The following PRKX variants were observed in gnomAD, a reference collection of about 807,000 sequenced individuals.
PRKX encodes protein kinase cAMP-dependent X-linked catalytic subunit.
A neutral mutation model predicts 22.0 loss-of-function variants in PRKX; 12 were observed. The ratio of observed to expected loss-of-function variants is 0.54; its 90% CI spans 0.35 to 0.88. The LOEUF is 0.88. Among genes scored for constraint, PRKX ranks in the 40% least tolerant of loss-of-function variants. The probability of loss-of-function intolerance (pLI) is 0.01; values close to 1 mark genes in which losing one functional copy is unlikely to be tolerated. For missense variants in PRKX, 217 were observed against 308.0 expected, an observed-to-expected ratio of 0.70 and a Z score of 2.21; for synonymous variants, 134 against 137.7, an observed-to-expected ratio of 0.97 and a Z score of 0.19.
At chrX:3,651,203 T>A (rs1927325731) in intron 3 of PRKX, among the ~76,000 whole-genome samples, 1 of 111,778 alleles carries the variant, frequency 8.9e-6, no homozygotes, top group Non-Finnish European at 1.9e-5. Flanking sequence ...AAGCAATCTA[T>A]CAATATGGTA....
At chrX:3,697,217 TTAACCAAG>T (rs1928460640) in intron 1 of PRKX, among the ~76,000 whole-genome samples, 1 of 110,447 alleles carries the variant, frequency 9.1e-6, no homozygotes, top group Admixed American at 9.7e-5. Context: ...ATACAAAAAA[TTAACCAAG>T]TATGGTGGTA....
At chrX:3,693,050 G>A (rs113325564) in intron 1 of PRKX, among the ~76,000 whole-genome samples, 1 of 110,611 alleles carries the variant, frequency 9.0e-6, no homozygotes, top group East Asian at 2.8e-4. Flanking sequence ...TATTTTCCTG[G>A]GTCTCAGGTG....
Position 3,674,785 on chromosome X carries a change from G to C in PRKX, c.167-19C>G. On this transcript the variant is annotated intron_variant, in intron 1 of 8. Coordinates refer to ENST00000262848, the MANE Select transcript of PRKX (RefSeq NM_005044.5). ...CCAGTGCCTGGAGAGAGAAGAAATC[G>C]ACAGAGGTCATTAAGTCTTCCGACA... The C allele has an allele frequency of 1.7e-6, 2 of 1,207,537 alleles. No homozygotes were observed. Among genetic ancestry groups the C allele is most frequent in the African/African-American group, 1.7e-5 (1 of 57,798 alleles).
In PRKX at chrX:3,674,605, T is replaced by C; in HGVS notation, c.328A>G (p.Ile110Val). ...VLKEVSHPFLIRLFWTWHDER... is the reference protein window; with the variant it reads ...VLKEVSHPFLVRLFWTWHDER... ...CTTCAGGAGGGGACTCACAGCCTGATGAGGAACGGGTGGCTGACTTCCTTC... is the reference window on the plus strand; with the variant it reads ...CTTCAGGAGGGGACTCACAGCCTGACGAGGAACGGGTGGCTGACTTCCTTC... Residue 110 changes from isoleucine (I) to valine (V), a missense_variant, in exon 2 of 9, where the codon ATC (isoleucine) becomes GTC (valine). Coordinates refer to ENST00000262848, the MANE Select transcript of PRKX (RefSeq NM_005044.5). 1.7e-6 allele frequency: 2 copies of C among 1,211,241 alleles called. No individual in the cohort carries two copies. Among genetic ancestry groups the C allele is most frequent in the Middle Eastern group, 2.3e-4 (1 of 4,353 alleles).
In PRKX at chrX:3,607,457, AG is replaced by A. The variant is rs777127709; in HGVS notation, c.*1511del. 1 of 111,827 alleles carries A rather than the reference AG, an allele frequency of 8.9e-6. No homozygotes were observed. Among genetic ancestry groups the A allele is most frequent in the East Asian group, 2.8e-4 (1 of 3,556 alleles). 9.2% of individuals were successfully genotyped at this position (111,827 alleles called of 1,213,427 possible). On this transcript the variant is annotated 3_prime_UTR_variant, in exon 9 of 9. Transcript: ENST00000262848. ...ATGGCCCTCAACTGTTAATCCCAAC[AG>A]GATGGTGAGTGAGAAGCACAGGCTG...
At chrX:3,696,325 A>G (rs1603474776) in intron 1 of PRKX, among the ~76,000 whole-genome samples, 1 of 111,525 alleles carries the variant, frequency 9.0e-6, no homozygotes, top group Admixed American at 9.6e-5. Flanking sequence ...CTCAACTTAC[A>G]ATGATGACAT....
chrX:3,664,769 C>T (rs756775053), intron 2 of PRKX, among the ~76,000 whole-genome samples: 1 of 112,039 alleles, frequency 8.9e-6, no homozygotes, highest in African/African-American at 3.2e-5. Context: ...AGTGGGTCCA[C>T]ATGGACACAG....
chrX:3,633,130 C>T (rs182251244), intron 4 of PRKX, among the ~76,000 whole-genome samples: 36 of 110,531 alleles, frequency 3.3e-4, no homozygotes, highest in Admixed American at 3.0e-3. Context: ...TCCCCAGCTA[C>T]AGCCTCTGTA....
chrX:3,678,165 A>G (rs1410088234), intron 1 of PRKX, among the ~76,000 whole-genome samples: 2 of 112,187 alleles, frequency 1.8e-5, no homozygotes, highest in African/African-American at 6.5e-5. Context: ...CATTGGACCT[A>G]TGAAATGGGC....
intron 6 of PRKX, among the ~76,000 whole-genome samples, chrX:3,618,460 A>G (rs1926484422): frequency 1.0e-4 from 1 of 10,010 alleles, no homozygotes; most frequent in Non-Finnish European, 1.7e-4. Flanking sequence ...TCTTAAAAAC[A>G]ATTTTTTTCT....
intron 1 of PRKX, among the ~76,000 whole-genome samples, chrX:3,689,825 A>AAC (rs1928276483): frequency 9.0e-6 from 1 of 111,226 alleles, no homozygotes; most frequent in Non-Finnish European, 1.9e-5. Flanking sequence ...AAAATACAAA[A>AAC]AATTAGCCGA....
intron 2 of PRKX, among the ~76,000 whole-genome samples, chrX:3,664,840 T>C (rs1927686670): frequency 8.9e-6 from 1 of 111,903 alleles, no homozygotes; most frequent in Admixed American, 9.5e-5. Context: ...GGTTGAGGGC[T>C]GAGAAATAAC....
chrX:3,706,360 A>T (rs185575190), intron 1 of PRKX, among the ~76,000 whole-genome samples: 42 of 109,253 alleles, frequency 3.8e-4, no homozygotes, highest in Middle Eastern at 4.7e-3. Context: ...ACTTAAAAAA[A>T]TTTTTTTTTG....
chrX:3,661,350 TA>T (rs1927590264), intron 2 of PRKX, among the ~76,000 whole-genome samples: 1 of 111,768 alleles, frequency 8.9e-6, no homozygotes. Context: ...CTCACACCTG[TA>T]ATCCCAGCAC....
chrX:3,678,594 A>T (rs1403181640), intron 1 of PRKX, among the ~76,000 whole-genome samples: 5 of 112,215 alleles, frequency 4.5e-5, no homozygotes, highest in African/African-American at 1.6e-4. Flanking sequence ...TCTTTGCGCT[A>T]CCCTGGGAGA....
intron 1 of PRKX, among the ~76,000 whole-genome samples, chrX:3,697,033 GAACA>G (rs1290341579): frequency 2.9e-3 from 238 of 81,310 alleles, no homozygotes; most frequent in African/African-American, 0.012. Context: ...CAAACAAACA[GAACA>G]AACAAACAGA....
chrX:3,648,542 T>C (rs1927236193), intron 3 of PRKX, among the ~76,000 whole-genome samples: 1 of 108,242 alleles, frequency 9.2e-6, no homozygotes, highest in South Asian at 4.1e-4. Flanking sequence ...TGACAAAGCT[T>C]TGATAACAAT....
At chrX:3,625,716 C>T (rs1488330687) in intron 5 of PRKX, among the ~76,000 whole-genome samples, 1 of 110,113 alleles carries the variant, frequency 9.1e-6, no homozygotes, top group Non-Finnish European at 1.9e-5. Flanking sequence ...AGACTACAGG[C>T]GCCCACCACC....
At chrX:3,700,325 G>A (rs1220176361) in intron 1 of PRKX, among the ~76,000 whole-genome samples, 2 of 112,007 alleles carry the variant, frequency 1.8e-5, no homozygotes, top group South Asian at 7.4e-4. Context: ...GGAAGTTAAC[G>A]GAGAAACATA....
Sources: allele counts gnomAD v4.1 joint callset (sites outside exome capture counted in the v4.1 genomes callset), GRCh38; gene constraint gnomAD v4.1.1; transcripts MANE v1.5; gene names NCBI Gene and HGNC (gene_info 2026-07-23, HGNC 2026-07-21).